Variants in TTC29 observed in about 807,000 individuals in gnomAD.
TTC29 encodes tetratricopeptide repeat protein 29.
TTC29 carries 49 observed loss-of-function variants against 58.1 expected under a neutral mutation model. The ratio of observed to expected loss-of-function variants is 0.84; its 90% CI spans 0.67 to 1.07. The LOEUF is 1.07. Among genes scored for constraint, TTC29 ranks in the 50% least tolerant of loss-of-function variants. TTC29 has a pLI of 0.00. For synonymous variants in TTC29, 209 were observed against 196.8 expected (o/e 1.06, Z -0.52); for missense variants, 582 against 555.6 (o/e 1.05, Z -0.48).
chr4:146,764,555 A>T (rs576672558), intron 11 of TTC29, among the ~76,000 whole-genome samples: 116 of 152,234 alleles, frequency 7.6e-4, no homozygotes, highest in African/African-American at 2.7e-3. Flanking sequence ...AAAGAAAAAA[A>T]ACCTTAAAAT....
intron 10 of TTC29, among the ~76,000 whole-genome samples, chr4:146,811,610 G>A (rs1751029065): frequency 6.6e-6 from 1 of 152,178 alleles, no homozygotes; most frequent in South Asian, 2.1e-4. Flanking sequence ...TGCCGTATGA[G>A]TTGTTGTCAG....
intron 11 of TTC29, among the ~76,000 whole-genome samples, chr4:146,747,124 T>G (rs1259043867): frequency 6.6e-6 from 1 of 152,012 alleles, no homozygotes; most frequent in East Asian, 1.9e-4. Flanking sequence ...CACTTGCAGT[T>G]TTTACTACTA....
At chr4:146,915,652 T>A (rs1734172599) in intron 4 of TTC29, among the ~76,000 whole-genome samples, 1 of 152,086 alleles carries the variant, frequency 6.6e-6, no homozygotes, top group Non-Finnish European at 1.5e-5. Flanking sequence ...GCACCTAAAC[T>A]AATAAATCTA....
At chr4:146,756,459 TTGTGAAGACTGTTTAAAGTTTCAC>T (rs1342528992) in intron 11 of TTC29, among the ~76,000 whole-genome samples, 2 of 152,102 alleles carry the variant, frequency 1.3e-5, no homozygotes, top group African/African-American at 4.8e-5. Context: ...AAGAAATATT[TTGTGAAGACTGTTTAAAGTTTCAC>T]TGTCTGTTTA....
chr4:146,733,810 C>A (rs567746066), intron 11 of TTC29, among the ~76,000 whole-genome samples: 2 of 152,232 alleles, frequency 1.3e-5, no homozygotes, highest in African/African-American at 2.4e-5. Context: ...TCAGTGTAAC[C>A]TAGACATCTA....
chr4:146,917,325 G>A (rs1340753289), intron 4 of TTC29, among the ~76,000 whole-genome samples: 1 of 148,812 alleles, frequency 6.7e-6, no homozygotes, highest in African/African-American at 2.4e-5. Flanking sequence ...TCATTTCAAT[G>A]TATTATAATT....
intron 11 of TTC29, among the ~76,000 whole-genome samples, chr4:146,743,322 T>C (rs1745303961): frequency 6.6e-6 from 1 of 152,156 alleles, no homozygotes; most frequent in Non-Finnish European, 1.5e-5. Flanking sequence ...TCCAGATAAC[T>C]GAAAATAAGT....
At chr4:146,877,591 C>G (rs1053387770) in intron 6 of TTC29, among the ~76,000 whole-genome samples, 1 of 152,150 alleles carries the variant, frequency 6.6e-6, no homozygotes, top group Admixed American at 6.5e-5. Flanking sequence ...ATTGACATAT[C>G]TGTGTGTTAT....
chr4:146,745,679 C>A (rs1242321854), intron 11 of TTC29, among the ~76,000 whole-genome samples: 1 of 152,204 alleles, frequency 6.6e-6, no homozygotes, highest in African/African-American at 2.4e-5. Context: ...TCTTCTGATA[C>A]ACACTAATGT....
intron 9 of TTC29, among the ~76,000 whole-genome samples, chr4:146,821,121 C>T (rs892080892): frequency 6.6e-6 from 1 of 152,112 alleles, no homozygotes; most frequent in Admixed American, 6.6e-5. Context: ...AAAGATCACA[C>T]ACCATATAAG....
intron 6 of TTC29, among the ~76,000 whole-genome samples, chr4:146,883,924 T>A (rs910840966): frequency 1.2e-4 from 18 of 152,060 alleles, no homozygotes; most frequent in African/African-American, 4.3e-4. Context: ...TCTAATAAAG[T>A]TTCATTTGCA....
chr4:146,840,033 C>T (rs1728753517), intron 8 of TTC29, among the ~76,000 whole-genome samples: 1 of 151,964 alleles, frequency 6.6e-6, no homozygotes, highest in African/African-American at 2.4e-5. Context: ...TAATAAAGTG[C>T]AGTAAGATAA....
intron 11 of TTC29, among the ~76,000 whole-genome samples, chr4:146,750,789 A>G (rs1745922145): frequency 6.6e-6 from 1 of 152,240 alleles, no homozygotes; most frequent in Admixed American, 6.5e-5. Context: ...AAGGTAGACA[A>G]CAGGAGAGGA....
At chr4:146,901,530 T>C (rs746090801) in intron 6 of TTC29, among the ~76,000 whole-genome samples, 1 of 152,224 alleles carries the variant, frequency 6.6e-6, no homozygotes, top group Non-Finnish European at 1.5e-5. Context: ...TAAGCCTCCC[T>C]GTCTAATTTC....
chr4:146,772,638 G>C (rs1747821596), intron 11 of TTC29, among the ~76,000 whole-genome samples: 1 of 152,076 alleles, frequency 6.6e-6, no homozygotes, highest in Admixed American at 6.6e-5. Flanking sequence ...TTGTAGTATA[G>C]TTTGAAGTCA....
chr4:146,831,947 C>T (rs1006202273), intron 9 of TTC29, among the ~76,000 whole-genome samples: 9 of 151,956 alleles, frequency 5.9e-5, no homozygotes, highest in East Asian at 1.9e-4. Flanking sequence ...TTTATTTTTG[C>T]GATGAGGTCT....
chr4:146,808,088 C>T (rs754711517), intron 10 of TTC29, among the ~76,000 whole-genome samples: 39 of 152,046 alleles, frequency 2.6e-4, no homozygotes, highest in African/African-American at 2.7e-4. Flanking sequence ...GTTCAACATA[C>T]GCAAATCAAT....
At chr4:146,813,866 C>A (rs1751195183) in intron 10 of TTC29, among the ~76,000 whole-genome samples, 1 of 152,120 alleles carries the variant, frequency 6.6e-6, no homozygotes. Context: ...TGCCTGTAAT[C>A]CCAGCTACTT....
At chr4:146,887,587 T>C (rs1732073209) in intron 6 of TTC29, among the ~76,000 whole-genome samples, 1 of 152,136 alleles carries the variant, frequency 6.6e-6, no homozygotes, top group Admixed American at 6.6e-5. Context: ...TTAATACTTA[T>C]CTATCAAATT....
Sources: allele counts gnomAD v4.1 joint callset (sites outside exome capture counted in the v4.1 genomes callset), GRCh38; gene constraint gnomAD v4.1.1; transcripts MANE v1.5; gene names NCBI Gene and HGNC (gene_info 2026-07-23, HGNC 2026-07-21).